Variants in KLF12 observed in about 807,000 individuals in gnomAD.
The protein encoded by KLF12 is Krueppel-like factor 12.
A neutral mutation model predicts 37.8 loss-of-function variants in KLF12; 9 were observed. The observed-to-expected ratio is 0.24, with a 90% CI of 0.14 to 0.42. The LOEUF (loss-of-function observed/expected upper bound fraction) is 0.42. KLF12 is among the 10% of genes least tolerant of loss of function. The pLI is 1.00. For missense variants in KLF12, 411 were observed against 516.0 expected (o/e 0.80, Z 1.97); for synonymous variants, 208 against 202.1 (o/e 1.03, Z -0.25).
chr13:73,872,396 C>T (rs1287352093), intron 3 of KLF12, among the ~76,000 whole-genome samples: 5 of 152,046 alleles, frequency 3.3e-5, no homozygotes, highest in Non-Finnish European at 7.4e-5. Flanking sequence ...TTTGAATGCT[C>T]AGGATTTTAA....
chr13:73,904,251 G>A (rs973347405), intron 3 of KLF12, among the ~76,000 whole-genome samples: 6 of 152,168 alleles, frequency 3.9e-5, no homozygotes, highest in Admixed American at 3.3e-4. Context: ...TCCACTACCC[G>A]ACACGTCCTA....
chr13:74,305,957 G>T, the KLF12 span, among the ~76,000 whole-genome samples: 1 of 152,018 alleles, frequency 6.6e-6, no homozygotes, highest in Non-Finnish European at 1.5e-5. Flanking sequence ...TTTAAGCAGG[G>T]GAAAAGGCTG....
intron 5 of KLF12, among the ~76,000 whole-genome samples, chr13:73,806,809 C>T (rs1882660189): frequency 6.6e-6 from 1 of 151,980 alleles, no homozygotes; most frequent in African/African-American, 2.4e-5. Flanking sequence ...CAAAAAGTTG[C>T]CTCTTAGTAA....
chr13:73,733,119 C>T (rs1594022220), intron 6 of KLF12, among the ~76,000 whole-genome samples: 2 of 152,130 alleles, frequency 1.3e-5, no homozygotes, highest in South Asian at 4.1e-4. Flanking sequence ...CTCCTTCCCC[C>T]CAGTCTTTTA....
At chr13:73,979,609 G>C (rs559824628) in intron 2 of KLF12, among the ~76,000 whole-genome samples, 1 of 152,066 alleles carries the variant, frequency 6.6e-6, no homozygotes, top group South Asian at 2.1e-4. Flanking sequence ...CAAATCCTTG[G>C]TAATATTTAC....
intron 4 of KLF12, among the ~76,000 whole-genome samples, chr13:73,837,414 A>C (rs1884494817): frequency 6.6e-6 from 1 of 152,210 alleles, no homozygotes; most frequent in South Asian, 2.1e-4. Context: ...TTTTTGATGG[A>C]ATCTATTCAA....
chr13:74,055,052 G>A (rs1057362569), intron 1 of KLF12, among the ~76,000 whole-genome samples: 3 of 152,140 alleles, frequency 2.0e-5, no homozygotes, highest in Non-Finnish European at 4.4e-5. Context: ...ACAAAGAGAC[G>A]TCAAATATCT....
At chr13:73,707,715 C>G (rs1436878864) in intron 7 of KLF12, among the ~76,000 whole-genome samples, 1 of 152,174 alleles carries the variant, frequency 6.6e-6, no homozygotes, top group Non-Finnish European at 1.5e-5. Context: ...CTAGCAACCA[C>G]AAGCACCTGC....
Position 73,729,120 on chromosome 13 carries a change from A to G in KLF12, c.870-13595T>C, listed in dbSNP as rs79353655. On this transcript the variant is annotated intron_variant, in intron 6 of 7. Transcript: ENST00000377669. Reference sequence around the variant, plus strand: ...CCTGCTCTTACCTAGAACTTTTCATATCACTAAAGTTTCACGGCCATGATG... The same window carrying G: ...CCTGCTCTTACCTAGAACTTTTCATGTCACTAAAGTTTCACGGCCATGATG... Among the ~76,000 whole-genome samples the G allele has an allele frequency of 9.2e-3, 1,405 of 152,334 alleles. 16 individuals carry two copies. The highest frequency in any genetic ancestry group is 0.031 in the African/African-American group (1,275 of 41,560).
At chr13:73,697,506 C>T (rs1196212005) in intron 7 of KLF12, among the ~76,000 whole-genome samples, 1 of 152,118 alleles carries the variant, frequency 6.6e-6, no homozygotes, top group East Asian at 1.9e-4. Flanking sequence ...AAACAAAAAT[C>T]AGCAAAACCC....
chr13:74,229,558 AG>A, the KLF12 span, among the ~76,000 whole-genome samples: 2 of 152,224 alleles, frequency 1.3e-5, no homozygotes, highest in Non-Finnish European at 2.9e-5. Context: ...AATTTGGAAA[AG>A]GTAAGAGTTT....
At chr13:74,144,606 T>C in the KLF12 span, among the ~76,000 whole-genome samples, 1 of 152,182 alleles carries the variant, frequency 6.6e-6, no homozygotes, top group Non-Finnish European at 1.5e-5. Context: ...TGGCTGAACA[T>C]TGTATTTTAA....
intron 6 of KLF12, among the ~76,000 whole-genome samples, chr13:73,756,443 C>T (rs1433999091): frequency 6.6e-6 from 1 of 152,106 alleles, no homozygotes; most frequent in Non-Finnish European, 1.5e-5. Context: ...TCTATTTTGA[C>T]TGAACATCCT....
chr13:73,901,361 TC>T (rs1888032186), intron 3 of KLF12, among the ~76,000 whole-genome samples: 1 of 152,188 alleles, frequency 6.6e-6, no homozygotes, highest in Non-Finnish European at 1.5e-5. Flanking sequence ...ATAAACAGCA[TC>T]AACTTTAGAA....
the KLF12 span, among the ~76,000 whole-genome samples, chr13:74,182,464 G>A: frequency 6.6e-6 from 1 of 152,194 alleles, no homozygotes; most frequent in East Asian, 1.9e-4. Flanking sequence ...CATATATGAT[G>A]GTCTGCCTCA....
At chr13:73,916,276 G>T (rs1028499773) in intron 3 of KLF12, among the ~76,000 whole-genome samples, 45 of 151,362 alleles carry the variant, frequency 3.0e-4, no homozygotes, top group South Asian at 2.1e-4. Flanking sequence ...CAGCTTTAAA[G>T]TGTTAATAAT....
upstream of KLF12, among the ~76,000 whole-genome samples, chr13:74,134,257 C>T (rs1878441638): frequency 2.0e-5 from 3 of 151,956 alleles, no homozygotes; most frequent in Non-Finnish European, 4.4e-5. Context: ...AACAAAGCCC[C>T]GCCGCTGCCG....
At chr13:74,301,900 C>G in the KLF12 span, among the ~76,000 whole-genome samples, 7 of 152,128 alleles carry the variant, frequency 4.6e-5, no homozygotes, top group African/African-American at 1.7e-4. Context: ...AGCACCCTCT[C>G]CCGTGTTACA....
At chr13:74,221,213 A>G in the KLF12 span, among the ~76,000 whole-genome samples, 2 of 152,068 alleles carry the variant, frequency 1.3e-5, no homozygotes, top group African/African-American at 4.8e-5. Context: ...TCACTGTGTT[A>G]GCCAGGATGG....
Sources: allele counts gnomAD v4.1 joint callset (sites outside exome capture counted in the v4.1 genomes callset), GRCh38; gene constraint gnomAD v4.1.1; transcripts MANE v1.5; gene names NCBI Gene and HGNC (gene_info 2026-07-23, HGNC 2026-07-21).